Variants in FHAD1 observed in about 807,000 individuals in gnomAD.
The protein encoded by FHAD1 is forkhead associated phosphopeptide binding domain 1.
A neutral mutation model predicts 191.3 loss-of-function variants in FHAD1; 146 were observed. The observed-to-expected ratio is 0.76, with a 90% CI of 0.67 to 0.88. The LOEUF (loss-of-function observed/expected upper bound fraction) is 0.88. Among genes scored for constraint, FHAD1 ranks in the 40% least tolerant of loss-of-function variants. The pLI, the probability that FHAD1 is intolerant of heterozygous loss-of-function variation, is 0.00. For missense variants in FHAD1, 1,635 were observed against 1,785.8 expected, an observed-to-expected ratio of 0.92 and a Z score of 1.52; for synonymous variants, 616 against 672.3, an observed-to-expected ratio of 0.92 and a Z score of 1.29.
downstream of FHAD1, among the ~76,000 whole-genome samples, chr1:15,401,473 G>A (rs980866746): frequency 6.6e-6 from 1 of 152,198 alleles, no homozygotes; most frequent in African/African-American, 2.4e-5. Context: ...AAGAAGCTAA[G>A]ACACACAACT....
intron 32 of FHAD1, chr1:15,388,405 C>A: frequency 8.9e-7 from 1 of 1,121,170 alleles, no homozygotes; most frequent in South Asian, 1.7e-5. Context: ...ACGCGTCCAG[C>A]CCCGTCTGTC....
chr1:15,259,953 G>A (rs1290709925), intron 2 of FHAD1, among the ~76,000 whole-genome samples: 1 of 152,228 alleles, frequency 6.6e-6, no homozygotes, highest in African/African-American at 2.4e-5. Context: ...GGCATGGCAT[G>A]ATGAGGGCTG....
At chr1:15,237,125 C>A (rs956700371) in intron 1 of FHAD1, among the ~76,000 whole-genome samples, 1 of 152,204 alleles carries the variant, frequency 6.6e-6, no homozygotes, top group African/African-American at 2.4e-5. Flanking sequence ...CTCTTTCCTT[C>A]ATAAATTACC....
rs1207987939 is a variant in FHAD1 at position 15,345,458 on chromosome 1, G to A, written c.2281G>A (p.Glu761Lys). The change falls in exon 18 of 34, where the codon GAA becomes AAA. Residue 761 changes from glutamate (E) to lysine (K), a missense_variant. Coordinates refer to ENST00000688493, the MANE Select transcript of FHAD1 (RefSeq NM_001391957.1). ...TACCCAGGAGAAGAACAGAGTGAAG[G>A]AAGCATTAGAGGAAGAGCAGACAAG... ...SITQEKNRVKEALEEEQTRVQ... is the reference protein window; with the variant it reads ...SITQEKNRVKKALEEEQTRVQ... 1.0e-5 allele frequency: 16 copies of A among 1,552,250 alleles called. No homozygotes were observed. Among genetic ancestry groups the A allele is most frequent in the Non-Finnish European group, 1.3e-5 (15 of 1,147,154 alleles).
chr1:15,354,553 G>A (rs760160307), intron 20 of FHAD1, among the ~76,000 whole-genome samples: 35 of 152,152 alleles, frequency 2.3e-4, no homozygotes, highest in African/African-American at 7.5e-4. Flanking sequence ...CCAAGCAGCC[G>A]TGTCCCCCAG....
intron 3 of FHAD1, among the ~76,000 whole-genome samples, chr1:15,284,335 C>T (rs541631863): frequency 1.8e-3 from 273 of 152,106 alleles, no homozygotes; most frequent in African/African-American, 6.3e-3. Flanking sequence ...AAAAATTAGC[C>T]GGGCATGGTG....
chr1:15,284,252 G>A (rs1351387713), intron 3 of FHAD1, among the ~76,000 whole-genome samples: 2 of 152,214 alleles, frequency 1.3e-5, no homozygotes, highest in African/African-American at 2.4e-5. Context: ...AGGCCGAGGC[G>A]GGCGGATCAC....
intron 14 of FHAD1, chr1:15,334,692 C>G (rs1683265194): frequency 2.0e-5 from 3 of 152,272 alleles, no homozygotes; most frequent in African/African-American, 7.2e-5. Context: ...CATCGTCAGC[C>G]TCAAATACTG....
chr1:15,282,649 A>T (rs75942419), intron 3 of FHAD1, among the ~76,000 whole-genome samples: 2,546 of 152,352 alleles, frequency 0.017, 99 homozygotes, highest in East Asian at 0.15. Context: ...CTATTGGATA[A>T]TAGTTTTTGA....
At chr1:15,302,557 C>T (rs1286324460) in intron 6 of FHAD1, among the ~76,000 whole-genome samples, 1 of 152,256 alleles carries the variant, frequency 6.6e-6, no homozygotes, top group South Asian at 2.1e-4. Flanking sequence ...AACCCCGTCT[C>T]TACTAAAAAT....
In FHAD1 at chr1:15,274,985, C is replaced by T. The variant is rs370847766; in HGVS notation, c.300+2456C>T. Among the ~76,000 whole-genome samples, 40 of 151,648 alleles carry T rather than the reference C, an allele frequency of 2.6e-4. 1 individual carries two copies. Among genetic ancestry groups the T allele is most frequent in the Admixed American group, 1.4e-3 (21 of 15,234 alleles). On this transcript the variant is annotated intron_variant, in intron 3 of 33. Transcript: ENST00000688493. ...AAAGCACACTTTTTTTTTTTTGAGA[C>T]GGAGTCTCACTCTGTCGCCCAGGCT...
At chr1:15,387,018 C>T (rs1270562446) in intron 31 of FHAD1, among the ~76,000 whole-genome samples, 1 of 151,966 alleles carries the variant, frequency 6.6e-6, no homozygotes, top group East Asian at 1.9e-4. Flanking sequence ...CACCCACCAC[C>T]ACGCCCGGCT....
chr1:15,337,004 G>A lies in FHAD1; in HGVS notation c.1907-2477G>A, dbSNP rs1007325466. ...TCTCATGAAGAAACTCTGCACTTCC[G>A]GGCTTCCCCAGCCACTCCTATGTGT... On this transcript the variant is annotated intron_variant, in intron 14 of 33. Transcript: ENST00000688493. Among the ~76,000 whole-genome samples, 17 of 152,160 alleles carry A rather than the reference G, an allele frequency of 1.1e-4. No homozygotes were observed. In the South Asian group the frequency reaches 1.2e-3, roughly 11 times the overall value.
chr1:15,350,552 AGAGGTGGG>A (rs1440842620), intron 19 of FHAD1, among the ~76,000 whole-genome samples: 3 of 152,168 alleles, frequency 2.0e-5, no homozygotes, highest in Non-Finnish European at 2.9e-5. Context: ...AATAGGTGGG[AGAGGTGGG>A]GAAGGAACCA....
At chr1:15,353,030 A>C in intron 20 of FHAD1, 46 bp downstream of exon 20, 2 of 1,376,644 alleles carry the variant, frequency 1.5e-6, no homozygotes, top group Non-Finnish European at 2.0e-6. Context: ...CAGCACAGCG[A>C]AGGGCAGTGC....
intron 31 of FHAD1, 120 bp downstream of exon 31, chr1:15,382,313 G>A: frequency 2.0e-6 from 2 of 976,024 alleles, no homozygotes; most frequent in Non-Finnish European, 3.0e-6. Context: ...GATGCAAAGG[G>A]AGGCAACTGG....
chr1:15,345,054 T>C (rs1463196437), intron 16 of FHAD1, 29 bp from the exon 17 acceptor site: 3 of 1,512,574 alleles, frequency 2.0e-6, no homozygotes, highest in Non-Finnish European at 2.7e-6. Flanking sequence ...GGTAACCATG[T>C]CTGTTAAACA....
chr1:15,240,662 A>T (rs1645247128), intron 1 of FHAD1, among the ~76,000 whole-genome samples: 1 of 150,740 alleles, frequency 6.6e-6, no homozygotes, highest in Non-Finnish European at 1.5e-5. Context: ...GAAAAAGAAA[A>T]AAGAAAGCAG....
intron 3 of FHAD1, among the ~76,000 whole-genome samples, chr1:15,287,999 G>A (rs1233041012): frequency 6.6e-6 from 1 of 152,116 alleles, no homozygotes; most frequent in Non-Finnish European, 1.5e-5. Context: ...TTCTATTCTA[G>A]GAAGCAAACC....
Sources: allele counts gnomAD v4.1 joint callset (sites outside exome capture counted in the v4.1 genomes callset), GRCh38; gene constraint gnomAD v4.1.1; transcripts MANE v1.5; gene names NCBI Gene and HGNC (gene_info 2026-07-23, HGNC 2026-07-21).